SLC26A3: variants seen among roughly 807,000 people sequenced by gnomAD.
SLC26A3 encodes solute carrier family 26 member 3.
In SLC26A3, 64 loss-of-function variants were observed where a neutral mutation model predicts 85.6. That is an observed-to-expected ratio of 0.75 (90% confidence interval 0.61 to 0.92). The LOEUF is 0.92. Among genes scored for constraint, SLC26A3 ranks in the 40% least tolerant of loss-of-function variants. SLC26A3 has a pLI of 0.00. For missense variants in SLC26A3, 922 were observed against 927.3 expected (o/e 0.99, Z 0.07); for synonymous variants, 349 against 336.0 (o/e 1.04, Z -0.42).
chr7:107,799,510 C>T (rs987563096), intron 1 of SLC26A3, among the ~76,000 whole-genome samples: 4 of 152,106 alleles, frequency 2.6e-5, no homozygotes, highest in Non-Finnish European at 4.4e-5. Context: ...CTTGCTTCAG[C>T]CTCCCGAGTA....
In SLC26A3 at chr7:107,793,917, T is replaced by C. The variant is rs776697562; in HGVS notation, c.132-36A>G. ...GGAAAGCCACAGGTCAGTCAATTAA[T>C]ATCAAATTTTAAGTTTAGTACCTGT... is the stretch of plus-strand genomic sequence containing the variant. On this transcript the variant is annotated intron_variant, in intron 2 of 20. Transcript: ENST00000340010. 2.5e-6 allele frequency: 4 copies of C among 1,613,770 alleles called. No individual in the cohort carries two copies. In the East Asian group the frequency reaches 6.7e-5, roughly 27 times the overall value.
At position 107,789,663 on chromosome 7, in the gene SLC26A3, C is replaced by T; in HGVS notation, c.596G>A (p.Gly199Glu). Reference sequence around the variant, plus strand: ...CTCAGACAGGTATATCACTACAAATCCAATCCGCAGAATCCCAAAAGCCAA... The same window carrying T: ...CTCAGACAGGTATATCACTACAAATTCAATCCGCAGAATCCCAAAAGCCAA... ...IQLAFGILRI[G>E]FVVIYLSESL... Residue 199 changes from glycine (G) to glutamate (E), a missense_variant, in exon 6 of 21, where the codon GGA becomes GAA. By Grantham distance (98) the Gly-to-Glu change is moderately conservative. Transcript: ENST00000340010. 1.2e-6 allele frequency: 2 copies of T among 1,613,836 alleles called. No homozygotes were observed. Among genetic ancestry groups the T allele is most frequent in the Non-Finnish European group, 1.7e-6 (2 of 1,179,930 alleles).
At chr7:107,771,809 A>C (rs1794034706) in intron 18 of SLC26A3, among the ~76,000 whole-genome samples, 1 of 152,212 alleles carries the variant, frequency 6.6e-6, no homozygotes, top group South Asian at 2.1e-4. Flanking sequence ...AAAAATAGTT[A>C]ACATGTTCCT....
rs754881333 is a variant in SLC26A3, at chr7:107,773,987, T to C, written c.1940A>G (p.His647Arg). The change falls in exon 17 of 21, where the codon CAC becomes CGC. Residue 647 changes from histidine (H) to arginine (R), a missense_variant. Coordinates refer to ENST00000340010, the MANE Select transcript of SLC26A3 (RefSeq NM_000111.3). ...TGCTGAAAAGTCAAGAATGAGGCTG[T>C]GGAGGCTGATTTTGGGGACCTCAAT... ...LNIEVPKISLHSLILDFSAVS... is the reference protein window; with the variant it reads ...LNIEVPKISLRSLILDFSAVS... 1.2e-6 allele frequency: 2 copies of C among 1,614,014 alleles called. No homozygotes were observed. Among genetic ancestry groups the C allele is most frequent in the East Asian group, 4.5e-5 (2 of 44,906 alleles).
chr7:107,791,377 C>T (rs1055790555), intron 4 of SLC26A3, 142 bp from the exon 5 acceptor site: 20 of 873,152 alleles, frequency 2.3e-5, no homozygotes, highest in Admixed American at 7.5e-5. Context: ...TTTGGGAGGC[C>T]GAGGCGGGTG....
At chr7:107,786,349 T>TG (rs776341535) in intron 8 of SLC26A3, among the ~76,000 whole-genome samples, 1 of 152,038 alleles carries the variant, frequency 6.6e-6, no homozygotes, top group Non-Finnish European at 1.5e-5. Context: ...AAACAAGAGA[T>TG]GGGGGTCTTG....
intron 11 of SLC26A3, among the ~76,000 whole-genome samples, chr7:107,781,470 C>T (rs1450205892): frequency 6.6e-6 from 1 of 152,034 alleles, no homozygotes; most frequent in Admixed American, 6.6e-5. Context: ...TTAGTGTCTC[C>T]AAATTGATGT....
chr7:107,794,143 C>G (rs1255190220), intron 2 of SLC26A3, among the ~76,000 whole-genome samples: 1 of 152,158 alleles, frequency 6.6e-6, no homozygotes, highest in East Asian at 1.9e-4. Context: ...GAATTTTCCT[C>G]TGTCCCCATC....
chr7:107,798,920 G>A (rs138480301), intron 1 of SLC26A3, among the ~76,000 whole-genome samples: 366 of 152,304 alleles, frequency 2.4e-3, no homozygotes, highest in African/African-American at 7.7e-3. Flanking sequence ...ACTATACTTG[G>A]GGGAGTGGGT....
At chr7:107,782,016 T>C (rs1362013650) in intron 11 of SLC26A3, among the ~76,000 whole-genome samples, 1 of 152,216 alleles carries the variant, frequency 6.6e-6, no homozygotes. Flanking sequence ...TATTTCCCTT[T>C]CTATTTTACA....
chr7:107,795,950 A>G (rs1290074982), intron 1 of SLC26A3, among the ~76,000 whole-genome samples: 1 of 151,846 alleles, frequency 6.6e-6, no homozygotes, highest in East Asian at 1.9e-4. Flanking sequence ...CCTCTCTTTG[A>G]TCACTCATTT....
chr7:107,770,024 TTC>T (rs778980502), intron 18 of SLC26A3, among the ~76,000 whole-genome samples: 1 of 43,914 alleles, frequency 2.3e-5, no homozygotes, highest in African/African-American at 1.2e-4. Context: ...CTTTCTTTCT[TTC>T]TTTCTTTCTT....
At chr7:107,794,262 G>T in intron 2 of SLC26A3, 117 bp downstream of exon 2, 1 of 1,204,148 alleles carries the variant, frequency 8.3e-7, no homozygotes, top group Non-Finnish European at 1.2e-6. Flanking sequence ...AAACTAAAGA[G>T]GAAAGGACTG....
At chr7:107,771,520 A>G (rs1164271345) in intron 18 of SLC26A3, among the ~76,000 whole-genome samples, 3 of 152,152 alleles carry the variant, frequency 2.0e-5, no homozygotes, top group East Asian at 1.9e-4. Context: ...GAGATGTTTG[A>G]GAGGTAGGAG....
chr7:107,791,103 T>A lies in SLC26A3; in HGVS notation c.515A>T (p.Glu172Val). Residue 172 changes from glutamate (E) to valine (V), a missense_variant, in exon 5 of 21, where the codon GAG becomes GTG. Transcript: ENST00000340010. ...TGCCGCCGCCGCCACCCTCACCCTC[T>A]CGTCATCCAGTAGTGAAGAATTATT... is the stretch of plus-strand genomic sequence containing the variant. ...NSNNSSLLDD[E>V]RVRVAAAASV... 6.2e-7 allele frequency: 1 copy of A among 1,614,160 alleles called. No homozygotes were observed. The highest frequency in any genetic ancestry group is 1.1e-5 in the South Asian group (1 of 91,080).
intron 15 of SLC26A3, among the ~76,000 whole-genome samples, chr7:107,775,779 A>C (rs577779482): frequency 6.6e-6 from 1 of 152,300 alleles, no homozygotes; most frequent in East Asian, 1.9e-4. Context: ...AGAGTAATCG[A>C]AAAGGGCAGT....
intron 15 of SLC26A3, chr7:107,776,133 C>T: frequency 5.2e-6 from 2 of 381,200 alleles, no homozygotes; most frequent in Admixed American, 4.0e-5. Flanking sequence ...AAGTTGATGC[C>T]CAAAGAAAAT....
At chr7:107,775,006 G>A (rs915818632) in intron 15 of SLC26A3, 134 bp from the exon 16 acceptor site, 11 of 768,014 alleles carry the variant, frequency 1.4e-5, no homozygotes, top group Non-Finnish European at 2.3e-5. Context: ...AAATTTAAAA[G>A]TGGTTTAAAC....
intron 13 of SLC26A3, 51 bp downstream of exon 13, chr7:107,778,124 G>C: frequency 8.0e-7 from 1 of 1,251,782 alleles, no homozygotes; most frequent in Non-Finnish European, 1.2e-6. Flanking sequence ...TTCCTCTTCT[G>C]ATTTGGGCAG....
Sources: allele counts gnomAD v4.1 joint callset (sites outside exome capture counted in the v4.1 genomes callset), GRCh38; gene constraint gnomAD v4.1.1; transcripts MANE v1.5; gene names NCBI Gene and HGNC (gene_info 2026-07-23, HGNC 2026-07-21).